Variants in GBF1 observed in about 807,000 individuals in gnomAD.
GBF1 encodes the protein golgi brefeldin A resistant guanine nucleotide exchange factor 1, also known as Golgi-specific brefeldin A-resistance guanine nucleotide exchange factor 1.
Under a neutral mutation model 210.5 loss-of-function variants are expected in GBF1, and 114 were observed. The ratio of observed to expected loss-of-function variants is 0.54; its 90% CI spans 0.47 to 0.63. The LOEUF is 0.63. Among genes scored for constraint, GBF1 ranks in the 30% least tolerant of loss-of-function variants. The probability of loss-of-function intolerance (pLI) is 0.00; values close to 1 mark genes in which losing one functional copy is unlikely to be tolerated. For missense variants in GBF1, 1,851 were observed against 2,357.7 expected (o/e 0.79, Z 4.45); for synonymous variants, 850 against 889.2 (o/e 0.96, Z 0.78).
At chr10:102,342,398 C>CACACACACACTCACACACAG (rs1237147430) in intron 3 of GBF1, among the ~76,000 whole-genome samples, 1 of 151,664 alleles carries the variant, frequency 6.6e-6, no homozygotes, top group East Asian at 1.9e-4. Flanking sequence ...CGCACACACA[C>CACACACACACTCACACACAG]ACACACACAC....
Position 102,358,410 on chromosome 10 carries a change from T to C in GBF1, c.788-96T>C, listed in dbSNP as rs765149085. ...AGACCAATATATGCAAAGATAAGCA[T>C]GTAATCTGGGAAACAGAGACCCTAG... On this transcript the variant is annotated intron_variant, in intron 9 of 39. Transcript: ENST00000369983. The C allele has an allele frequency of 7.9e-6, 7 of 888,904 alleles. No individual in the cohort carries two copies. In the East Asian group the frequency reaches 1.2e-4, roughly 15 times the overall value. 55.1% of individuals were successfully genotyped at this position (888,904 alleles called of 1,614,324 possible).
At chr10:102,362,725 C>A in intron 15 of GBF1, 61 bp downstream of exon 15, 1 of 1,365,402 alleles carries the variant, frequency 7.3e-7, no homozygotes, top group Non-Finnish European at 1.0e-6. Flanking sequence ...TCTCTACTCT[C>A]TGAGTCGTTT....
At chr10:102,293,762 ATGTTTTG>A (rs1376149264) in intron 3 of GBF1, among the ~76,000 whole-genome samples, 6,752 of 43,520 alleles carry the variant, frequency 0.16, 1,822 homozygotes, top group Middle Eastern at 0.21. Flanking sequence ...CAGCTGTAGT[ATGTTTTG>A]TGTTTTTTTT....
intron 38 of GBF1, 32 bp downstream of exon 38, chr10:102,380,718 A>G: frequency 6.5e-7 from 1 of 1,549,138 alleles, no homozygotes; most frequent in Non-Finnish European, 8.8e-7. Context: ...TATCAAAAAG[A>G]GTCTCCTGCC....
At chr10:102,302,873 G>A (rs982018842) in intron 3 of GBF1, among the ~76,000 whole-genome samples, 6 of 152,054 alleles carry the variant, frequency 3.9e-5, no homozygotes, top group Non-Finnish European at 8.8e-5. Flanking sequence ...GAAGAATTAC[G>A]TGGCCCAAAC....
intron 3 of GBF1, among the ~76,000 whole-genome samples, chr10:102,279,670 A>T (rs2075305482): frequency 6.6e-6 from 1 of 151,058 alleles, no homozygotes; most frequent in Non-Finnish European, 1.5e-5. Flanking sequence ...CATGATTAGG[A>T]TGCATGACTG....
intron 3 of GBF1, among the ~76,000 whole-genome samples, chr10:102,283,648 GA>G (rs2075703472): frequency 6.6e-6 from 1 of 152,202 alleles, no homozygotes; most frequent in South Asian, 2.1e-4. Context: ...TCAACAATTT[GA>G]AAGAGAAATA....
At chr10:102,312,766 G>A (rs571956988) in intron 3 of GBF1, among the ~76,000 whole-genome samples, 11 of 152,102 alleles carry the variant, frequency 7.2e-5, no homozygotes, top group Non-Finnish European at 1.3e-4. Context: ...TGTTTGCCTC[G>A]GGTACCTGTA....
chr10:102,355,872 G>A (rs969602639), intron 8 of GBF1, among the ~76,000 whole-genome samples: 3 of 152,132 alleles, frequency 2.0e-5, no homozygotes, highest in African/African-American at 7.2e-5. Context: ...CATGTTTGGC[G>A]GACTCTTCTC....
At chr10:102,272,170 G>T (rs543025511) in intron 3 of GBF1, among the ~76,000 whole-genome samples, 41 of 151,174 alleles carry the variant, frequency 2.7e-4, no homozygotes, top group Non-Finnish European at 5.4e-4. Flanking sequence ...GCAATGGTGT[G>T]ATCTCAGCTC....
intron 3 of GBF1, among the ~76,000 whole-genome samples, chr10:102,283,145 A>C (rs2075649422): frequency 6.6e-6 from 1 of 152,262 alleles, no homozygotes; most frequent in South Asian, 2.1e-4. Context: ...CTTTTAAAGT[A>C]CTTCAACCTA....
chr10:102,300,475 C>T (rs1469285828), intron 3 of GBF1, among the ~76,000 whole-genome samples: 1 of 152,182 alleles, frequency 6.6e-6, no homozygotes, highest in Non-Finnish European at 1.5e-5. Flanking sequence ...AAACCATGAC[C>T]TTTCCATCAA....
chr10:102,338,311 G>T (rs1163204520), intron 3 of GBF1, among the ~76,000 whole-genome samples: 2 of 148,102 alleles, frequency 1.4e-5, no homozygotes, highest in Non-Finnish European at 3.0e-5. Context: ...TGCAGTCTCG[G>T]CTCACTGTAG....
At chr10:102,379,745 G>A in intron 35 of GBF1, 94 bp downstream of exon 35, 1 of 1,492,296 alleles carries the variant, frequency 6.7e-7, no homozygotes, top group Non-Finnish European at 9.3e-7. Context: ...TCTTCAGCCT[G>A]CATCATACCT....
In GBF1 at chr10:102,360,187, C is replaced by T; in HGVS notation, c.1184C>T (p.Thr395Ile). ...RFTQSSQKEG[T>I]ALVPYGLPCI... ...CTCTCCTCCTGGCCTTCCCCAGGCA[C>T]AGCTTTGGTCCCCTATGGTCTTCCC... is the stretch of plus-strand genomic sequence containing the variant. Residue 395 changes from threonine to isoleucine, a missense_variant, in exon 12 of 40, where the codon ACA (threonine) becomes ATA (isoleucine). Around this residue, in one of 3 missense-constraint regions of GBF1, gnomAD observed 804 missense variants for 958.6 expected, o/e 0.84. Transcript: ENST00000369983. 6.2e-7 allele frequency: 1 copy of T among 1,609,812 alleles called. No homozygotes were observed. Among genetic ancestry groups the T allele is most frequent in the Non-Finnish European group, 8.5e-7 (1 of 1,176,032 alleles).
At chr10:102,235,407 AT>A in the GBF1 span, among the ~76,000 whole-genome samples, 2 of 152,050 alleles carry the variant, frequency 1.3e-5, no homozygotes, top group African/African-American at 2.4e-5. Context: ...GCCCAAAGAA[AT>A]TAGGTTTAGA....
intron 21 of GBF1, among the ~76,000 whole-genome samples, chr10:102,367,983 ATG>A (rs1406568199): frequency 6.6e-6 from 1 of 152,216 alleles, no homozygotes; most frequent in African/African-American, 2.4e-5. Flanking sequence ...CCTAGTAAGA[ATG>A]TGTGATCTTA....
chr10:102,309,079 A>G (rs2078186676), intron 3 of GBF1, among the ~76,000 whole-genome samples: 1 of 152,152 alleles, frequency 6.6e-6, no homozygotes, highest in East Asian at 1.9e-4. Flanking sequence ...AGTGCCGACT[A>G]CATGAGTGGT....
intron 3 of GBF1, among the ~76,000 whole-genome samples, chr10:102,270,046 T>C (rs772018): frequency 0.33 from 49,723 of 151,312 alleles, 8,740 homozygotes; most frequent in South Asian, 0.48. Context: ...GCCCGGCTAA[T>C]TTTTTGTATT....
Sources: allele counts gnomAD v4.1 joint callset (sites outside exome capture counted in the v4.1 genomes callset), GRCh38; gene constraint gnomAD v4.1.1; regional missense constraint gnomAD v4.1.1; transcripts MANE v1.5; gene names NCBI Gene and HGNC (gene_info 2026-07-23, HGNC 2026-07-21).